Variants in SORCS2 observed in about 807,000 individuals in gnomAD.
SORCS2 encodes VPS10 domain-containing receptor SorCS2.
A neutral mutation model predicts 141.6 loss-of-function variants in SORCS2; 100 were observed. The observed-to-expected ratio is 0.71, with a 90% CI of 0.60 to 0.83. The LOEUF (loss-of-function observed/expected upper bound fraction) is 0.83, where lower values mean the gene tolerates loss of function less well. Ranked by LOEUF, SORCS2 falls within the 40% of genes least tolerant of loss-of-function variation. SORCS2 has a pLI of 0.00. For missense variants in SORCS2, 1,646 were observed against 1,560.2 expected (o/e 1.05, Z -0.93); for synonymous variants, 789 against 676.9 (o/e 1.17, Z -2.57).
intron 1 of SORCS2, among the ~76,000 whole-genome samples, chr4:7,310,044 A>G (rs1263007590): frequency 6.6e-6 from 1 of 152,176 alleles, no homozygotes; most frequent in Non-Finnish European, 1.5e-5. Context: ...AGAGAAGGGT[A>G]AGGAATGGGT....
At chr4:7,242,008 C>T (rs1288968172) in intron 1 of SORCS2, among the ~76,000 whole-genome samples, 1 of 152,188 alleles carries the variant, frequency 6.6e-6, no homozygotes, top group East Asian at 1.9e-4. Context: ...CGGGCAGAGG[C>T]TGCCGTTTGA....
chr4:7,567,594 A>T (rs1041391610), intron 3 of SORCS2, among the ~76,000 whole-genome samples: 2 of 152,116 alleles, frequency 1.3e-5, no homozygotes, highest in African/African-American at 4.8e-5. Flanking sequence ...ACCACTGTTG[A>T]CACTGACCCT....
chr4:7,426,012 A>T (rs1325311292), intron 2 of SORCS2, among the ~76,000 whole-genome samples: 2 of 152,222 alleles, frequency 1.3e-5, no homozygotes, highest in South Asian at 4.1e-4. Flanking sequence ...AGGTCTCAGG[A>T]GGGCCAGCCC....
At chr4:7,693,735 A>G (rs116793695) in intron 11 of SORCS2, among the ~76,000 whole-genome samples, 4,325 of 152,184 alleles carry the variant, frequency 0.028, 101 homozygotes, top group Middle Eastern at 0.058. Flanking sequence ...TGCTGGCTTG[A>G]CTCAGGGAAC....
At chr4:7,620,328 C>T (rs375524698) in intron 3 of SORCS2, among the ~76,000 whole-genome samples, 3 of 152,200 alleles carry the variant, frequency 2.0e-5, no homozygotes, top group Non-Finnish European at 2.9e-5. Context: ...TGTGTGGCTG[C>T]GAGTGTCCGG....
intron 2 of SORCS2, among the ~76,000 whole-genome samples, chr4:7,410,405 A>G (rs1725227839): frequency 6.6e-6 from 1 of 152,224 alleles, no homozygotes; most frequent in African/African-American, 2.4e-5. Context: ...CTCTGTGCAC[A>G]TAGACAGGCC....
chr4:7,435,766 G>A (rs2062538771), intron 2 of SORCS2, among the ~76,000 whole-genome samples: 1 of 152,258 alleles, frequency 6.6e-6, no homozygotes, highest in Non-Finnish European at 1.5e-5. Context: ...AGTCAGCTGG[G>A]TGAGCACGCA....
intron 3 of SORCS2, among the ~76,000 whole-genome samples, chr4:7,538,375 T>A (rs2109571757): frequency 6.6e-6 from 1 of 152,172 alleles, no homozygotes; most frequent in Non-Finnish European, 1.5e-5. Context: ...CCCCCACACA[T>A]CCCCTGCAAT....
intron 2 of SORCS2, among the ~76,000 whole-genome samples, chr4:7,406,253 G>A (rs997146312): frequency 2.7e-5 from 4 of 145,770 alleles, no homozygotes; most frequent in African/African-American, 7.5e-5. Flanking sequence ...TTCATAGAAT[G>A]AGTTTGGAAG....
chr4:7,436,759 C>G (rs192275072), intron 2 of SORCS2, among the ~76,000 whole-genome samples: 5 of 152,338 alleles, frequency 3.3e-5, no homozygotes, highest in South Asian at 2.1e-4. Flanking sequence ...CTACTCGACC[C>G]TTGATGGGCC....
intron 3 of SORCS2, among the ~76,000 whole-genome samples, chr4:7,535,078 G>A (rs532109381): frequency 5.9e-5 from 9 of 152,342 alleles, no homozygotes; most frequent in Admixed American, 3.9e-4. Flanking sequence ...GACCCCAGGT[G>A]GCAGGAGCAA....
At chr4:7,241,272 T>C (rs1712677915) in intron 1 of SORCS2, among the ~76,000 whole-genome samples, 1 of 152,210 alleles carries the variant, frequency 6.6e-6, no homozygotes, top group African/African-American at 2.4e-5. Context: ...GGGGCTTGGC[T>C]GGTGGGCAGA....
chr4:7,529,555 G>A (rs1011339071), intron 2 of SORCS2, among the ~76,000 whole-genome samples: 2 of 152,150 alleles, frequency 1.3e-5, no homozygotes, highest in Non-Finnish European at 1.5e-5. Flanking sequence ...GGGCTAAGGC[G>A]AGCAGAGCTG....
At chr4:7,441,363 G>A (rs938355885) in intron 2 of SORCS2, among the ~76,000 whole-genome samples, 7 of 152,118 alleles carry the variant, frequency 4.6e-5, no homozygotes, top group African/African-American at 1.7e-4. Context: ...GCATACAGAG[G>A]CCTGCTTCTG....
Position 7,576,870 on chromosome 4 carries a change from A to G in SORCS2, c.648+45241A>G, listed in dbSNP as rs9884448. ...AACTCATGCGTGCCCCACCCAGCGG[A>G]CCACAGCAACTCAGTTCTATTCAAT... is the stretch of plus-strand genomic sequence containing the variant. On this transcript the variant is annotated intron_variant, in intron 3 of 26. Transcript: ENST00000507866. Among the ~76,000 whole-genome samples the G allele has an allele frequency of 4.2e-3, 637 of 152,308 alleles. 4 individuals carry two copies. Among genetic ancestry groups the G allele is most frequent in the African/African-American group, 0.014 (579 of 41,576 alleles).
chr4:7,555,305 G>A (rs1045139605), intron 3 of SORCS2, among the ~76,000 whole-genome samples: 1 of 152,232 alleles, frequency 6.6e-6, no homozygotes, highest in Non-Finnish European at 1.5e-5. Context: ...CCTGCAAGTA[G>A]CTAAAAGCAG....
intron 2 of SORCS2, among the ~76,000 whole-genome samples, chr4:7,520,628 G>A (rs1013487760): frequency 7.9e-5 from 12 of 152,216 alleles, no homozygotes; most frequent in South Asian, 4.1e-4. Context: ...GGCTCAGGGC[G>A]TGGATGCAGA....
chr4:7,572,515 A>G (rs1715471328), intron 3 of SORCS2, among the ~76,000 whole-genome samples: 1 of 152,176 alleles, frequency 6.6e-6, no homozygotes, highest in Non-Finnish European at 1.5e-5. Context: ...TTGTTTTTTG[A>G]GAACTTTCAT....
intron 2 of SORCS2, among the ~76,000 whole-genome samples, chr4:7,416,065 G>A (rs1725646106): frequency 6.6e-6 from 1 of 152,196 alleles, no homozygotes; most frequent in African/African-American, 2.4e-5. Flanking sequence ...GCGTTAGGTG[G>A]GAGGAGGATG....
Sources: allele counts gnomAD v4.1 joint callset (sites outside exome capture counted in the v4.1 genomes callset), GRCh38; gene constraint gnomAD v4.1.1; transcripts MANE v1.5; gene names NCBI Gene and HGNC (gene_info 2026-07-23, HGNC 2026-07-21).